The following ADAMTS18 variants were observed in gnomAD, a reference collection of about 807,000 sequenced individuals.
ADAMTS18 encodes the protein ADAM metallopeptidase with thrombospondin type 1 motif 18, also known as A disintegrin and metalloproteinase with thrombospondin motifs 18.
Under a neutral mutation model 165.9 loss-of-function variants are expected in ADAMTS18, and 157 were observed. The observed-to-expected ratio is 0.95, with a 90% confidence interval of 0.83 to 1.08. The LOEUF (loss-of-function observed/expected upper bound fraction) is 1.08. Among genes scored for constraint, ADAMTS18 ranks in the 50% least tolerant of loss-of-function variants. The pLI is 0.00. For synonymous variants in ADAMTS18, 782 were observed against 578.2 expected (o/e 1.35, Z -5.06); for missense variants, 2,040 against 1,534.0 (o/e 1.33, Z -5.51).
At chr16:77,405,617 C>T (rs192385456) in intron 3 of ADAMTS18, among the ~76,000 whole-genome samples, 6 of 152,236 alleles carry the variant, frequency 3.9e-5, no homozygotes, top group African/African-American at 9.6e-5. Context: ...CCAGGACTTT[C>T]CTAACAAAAT....
At chr16:77,321,266 T>G in intron 14 of ADAMTS18, 64 bp from the exon 15 acceptor site, 1 of 1,598,202 alleles carries the variant, frequency 6.3e-7, no homozygotes, top group African/African-American at 1.3e-5. Flanking sequence ...TGGGAATAAT[T>G]AAGAGGTATA....
At chr16:77,433,199 G>GA (rs1162833386) in intron 2 of ADAMTS18, among the ~76,000 whole-genome samples, 14 of 152,252 alleles carry the variant, frequency 9.2e-5, no homozygotes, top group Admixed American at 2.6e-4. Context: ...ACTTAACTAT[G>GA]AAAAAGATTC....
intron 3 of ADAMTS18, among the ~76,000 whole-genome samples, chr16:77,383,577 T>C (rs2057063597): frequency 6.6e-6 from 1 of 152,064 alleles, no homozygotes; most frequent in Non-Finnish European, 1.5e-5. Context: ...AGAGTCTCCC[T>C]CTGTCACCCA....
chr16:77,345,395 T>G (rs1249325908), intron 10 of ADAMTS18, among the ~76,000 whole-genome samples: 2 of 152,204 alleles, frequency 1.3e-5, no homozygotes, highest in Non-Finnish European at 2.9e-5. Flanking sequence ...TTCTTTCACA[T>G]TCTATCAAGA....
chr16:77,400,207 T>C (rs1179847112), intron 3 of ADAMTS18, among the ~76,000 whole-genome samples: 10 of 152,176 alleles, frequency 6.6e-5, no homozygotes, highest in Non-Finnish European at 2.9e-5. Flanking sequence ...CCAGCTGCAG[T>C]AGACAGTTCA....
intron 3 of ADAMTS18, among the ~76,000 whole-genome samples, chr16:77,410,805 CA>C (rs1470534902): frequency 1.3e-5 from 2 of 152,218 alleles, no homozygotes; most frequent in African/African-American, 4.8e-5. Context: ...GGACTGAGTA[CA>C]GGTAGCTGGG....
At chr16:77,360,285 C>T (rs1330928679) in intron 7 of ADAMTS18, among the ~76,000 whole-genome samples, 1 of 152,218 alleles carries the variant, frequency 6.6e-6, no homozygotes, top group Non-Finnish European at 1.5e-5. Context: ...ACACACTGTG[C>T]TATATGTCTA....
chr16:77,285,416 G>A (rs2055229926), intron 22 of ADAMTS18, among the ~76,000 whole-genome samples: 2 of 151,004 alleles, frequency 1.3e-5, no homozygotes, highest in African/African-American at 5.0e-5. Context: ...CGGGTGATCC[G>A]TCTGCCTCAG....
intron 16 of ADAMTS18, among the ~76,000 whole-genome samples, chr16:77,317,459 G>A (rs771457076): frequency 2.0e-5 from 3 of 151,970 alleles, no homozygotes; most frequent in African/African-American, 4.8e-5. Context: ...TCAGCCTCCC[G>A]ACTAGCTGGG....
At chr16:77,302,004 C>CTTTT (rs4038557) in intron 16 of ADAMTS18, among the ~76,000 whole-genome samples, 1 of 128,810 alleles carries the variant, frequency 7.8e-6, no homozygotes, top group Non-Finnish European at 1.6e-5. Flanking sequence ...CTAGTCTTTG[C>CTTTT]TTTTTTTTTT....
chr16:77,369,271 T>A (rs1448219248), intron 3 of ADAMTS18, among the ~76,000 whole-genome samples: 1 of 152,232 alleles, frequency 6.6e-6, no homozygotes, highest in Non-Finnish European at 1.5e-5. Context: ...GTCAATTTTA[T>A]CTTTTTAAAA....
chr16:77,354,270 C>G (rs903227938), intron 9 of ADAMTS18, among the ~76,000 whole-genome samples: 1 of 152,158 alleles, frequency 6.6e-6, no homozygotes, highest in African/African-American at 2.4e-5. Context: ...ACAAAATAAA[C>G]CAGACAGACA....
chr16:77,430,365 G>A (rs1482834866), intron 3 of ADAMTS18, among the ~76,000 whole-genome samples: 1 of 152,142 alleles, frequency 6.6e-6, no homozygotes, highest in Non-Finnish European at 1.5e-5. Flanking sequence ...GTAACTGAAA[G>A]TTTCAACTAA....
At chr16:77,293,545 A>G (rs1378194148) in intron 19 of ADAMTS18, among the ~76,000 whole-genome samples, 1 of 151,912 alleles carries the variant, frequency 6.6e-6, no homozygotes, top group Non-Finnish European at 1.5e-5. Flanking sequence ...CTATAAAGGA[A>G]TATATTCTCT....
intron 3 of ADAMTS18, among the ~76,000 whole-genome samples, chr16:77,400,471 TGTGTGTGTG>T (rs1567541708): frequency 1.1e-4 from 15 of 140,924 alleles, no homozygotes; most frequent in Non-Finnish European, 1.9e-4. Context: ...TGTGTGTGTG[TGTGTGTGTG>T]TTTTGTTTTT....
rs1328915559 is a variant in ADAMTS18 at position 77,322,417 on chromosome 16, A to C, written c.2082T>G (p.Phe694Leu). 1 of 1,614,010 alleles carries C rather than the reference A, an allele frequency of 6.2e-7. No homozygotes were observed. The highest frequency in any genetic ancestry group is 2.2e-5 in the East Asian group (1 of 44,884). ...LYCKAENFEF[F>L]FAMSGKVKDG... is the part of the protein sequence containing the mutation. ...CTTTCACTTTGCCGGACATTGCAAA[A>C]AAAAATTCAAAGTTCTCAGCCTTGC... Residue 694 changes from phenylalanine to leucine, a missense_variant, in exon 14 of 23, where the codon TTT (phenylalanine) becomes TTG (leucine). Coordinates refer to ENST00000282849, the MANE Select transcript of ADAMTS18 (RefSeq NM_199355.4).
chr16:77,339,045 G>C (rs2056357025), intron 11 of ADAMTS18, among the ~76,000 whole-genome samples: 1 of 152,068 alleles, frequency 6.6e-6, no homozygotes, highest in African/African-American at 2.4e-5. Flanking sequence ...CAAGGGACTG[G>C]AGAAGAAAGA....
At chr16:77,327,073 C>T (rs571844818) in intron 12 of ADAMTS18, among the ~76,000 whole-genome samples, 34 of 152,274 alleles carry the variant, frequency 2.2e-4, no homozygotes, top group African/African-American at 7.9e-4. Flanking sequence ...GCATATGTAC[C>T]ACATTTCTTT....
chr16:77,347,369 A>C (rs893094737), intron 10 of ADAMTS18, among the ~76,000 whole-genome samples: 1 of 152,168 alleles, frequency 6.6e-6, no homozygotes, highest in Non-Finnish European at 1.5e-5. Flanking sequence ...TTCTACATTG[A>C]AACAACTCGG....
Sources: gnomAD v4.1 joint callset for allele counts (sites outside exome capture counted in the v4.1 genomes callset) on GRCh38, gnomAD v4.1.1 for gene constraint, MANE v1.5 for transcripts, NCBI Gene and HGNC (gene_info 2026-07-23, HGNC 2026-07-21) for gene names.